Variants in TMEM123 observed in about 807,000 individuals in gnomAD.
TMEM123 encodes the protein transmembrane protein 123.
Under a neutral mutation model 19.7 loss-of-function variants are expected in TMEM123, and 16 were observed. That is an observed-to-expected ratio of 0.81 (90% CI 0.55 to 1.23). The LOEUF is 1.23. Among genes scored for constraint, TMEM123 ranks in the 50% most tolerant of loss-of-function variants. The pLI is 0.00. For missense variants in TMEM123, 313 were observed against 257.8 expected (o/e 1.21, Z -1.47); for synonymous variants, 118 against 99.4 (o/e 1.19, Z -1.12).
intron 2 of TMEM123, among the ~76,000 whole-genome samples, chr11:102,423,308 A>T (rs1952100957): frequency 6.6e-6 from 1 of 152,106 alleles, no homozygotes; most frequent in African/African-American, 2.4e-5. Context: ...ACCTAACCAG[A>T]CTCTCTTCTG....
intron 2 of TMEM123, among the ~76,000 whole-genome samples, chr11:102,413,462 C>T (rs1952020837): frequency 6.6e-6 from 1 of 152,194 alleles, no homozygotes; most frequent in Non-Finnish European, 1.5e-5. Context: ...TGGCAAAGTG[C>T]TTTTGCTGGC....
chr11:102,433,337 CAG>C (rs1206494819), intron 2 of TMEM123, among the ~76,000 whole-genome samples: 1 of 151,974 alleles, frequency 6.6e-6, no homozygotes, highest in African/African-American at 2.4e-5. Flanking sequence ...GGATATGAGA[CAG>C]AGTCATAGGA....
chr11:102,451,978 C>G (rs146663300), intron 1 of TMEM123, among the ~76,000 whole-genome samples: 2 of 152,348 alleles, frequency 1.3e-5, no homozygotes, highest in Admixed American at 6.5e-5. Flanking sequence ...AAGCTCCCAA[C>G]TAGCTCCAAG....
At chr11:102,420,501 G>T (rs1247782900) in intron 2 of TMEM123, among the ~76,000 whole-genome samples, 1 of 152,116 alleles carries the variant, frequency 6.6e-6, no homozygotes. Flanking sequence ...CATAACCCTA[G>T]GAGGCAGATG....
chr11:102,401,509 T>C (rs964328299), intron 4 of TMEM123, 30 bp downstream of exon 4: 2 of 1,528,426 alleles, frequency 1.3e-6, no homozygotes, highest in African/African-American at 2.8e-5. Context: ...AACAATTTTT[T>C]TTAAAAAGTC....
chr11:102,443,557 A>G (rs192763915), intron 2 of TMEM123, among the ~76,000 whole-genome samples: 1 of 152,368 alleles, frequency 6.6e-6, no homozygotes, highest in East Asian at 1.9e-4. Flanking sequence ...GAGATGGATT[A>G]AAGACTTAAA....
chr11:102,447,833 C>G (rs1591569211), intron 2 of TMEM123, among the ~76,000 whole-genome samples: 1 of 152,058 alleles, frequency 6.6e-6, no homozygotes, highest in African/African-American at 2.4e-5. Flanking sequence ...GATAATGAAA[C>G]AAAGAACAGC....
At chr11:102,436,431 G>A (rs551898628) in intron 2 of TMEM123, among the ~76,000 whole-genome samples, 5 of 152,020 alleles carry the variant, frequency 3.3e-5, no homozygotes, top group African/African-American at 1.2e-4. Flanking sequence ...CCAAAGTGCT[G>A]GGATTACAGG....
At chr11:102,432,394 G>C (rs954883183) in intron 2 of TMEM123, among the ~76,000 whole-genome samples, 4 of 152,182 alleles carry the variant, frequency 2.6e-5, no homozygotes, top group East Asian at 3.9e-4. Flanking sequence ...CTGGAGTAAA[G>C]GTCACTCTTG....
intron 2 of TMEM123, among the ~76,000 whole-genome samples, chr11:102,446,643 G>A (rs1243657989): frequency 2.0e-5 from 3 of 152,128 alleles, no homozygotes. Flanking sequence ...CTATGCACCA[G>A]GCATAGAGTG....
chr11:102,436,515 A>G (rs1003400334), intron 2 of TMEM123, among the ~76,000 whole-genome samples: 2 of 152,012 alleles, frequency 1.3e-5, no homozygotes, highest in African/African-American at 4.8e-5. Flanking sequence ...AGACTGGTGC[A>G]TGAATTACTT....
chr11:102,399,950 AC>A (rs1321106676), intron 4 of TMEM123, among the ~76,000 whole-genome samples: 2 of 143,574 alleles, frequency 1.4e-5, no homozygotes, highest in Non-Finnish European at 3.0e-5. Flanking sequence ...AGCCTGGGCA[AC>A]AAGAGGGAAA....
intron 2 of TMEM123, among the ~76,000 whole-genome samples, chr11:102,405,199 C>A (rs1183143991): frequency 1.3e-5 from 2 of 152,050 alleles, no homozygotes; most frequent in African/African-American, 2.4e-5. Context: ...CAGGCGCCCA[C>A]CACCACGCCT....
chr11:102,404,673 C>T (rs1017067258), intron 2 of TMEM123, among the ~76,000 whole-genome samples: 7 of 152,146 alleles, frequency 4.6e-5, no homozygotes, highest in African/African-American at 1.4e-4. Flanking sequence ...GATCTCGGCT[C>T]ACTGTAACCT....
intron 2 of TMEM123, among the ~76,000 whole-genome samples, chr11:102,403,968 T>G (rs1193373989): frequency 6.6e-6 from 1 of 152,202 alleles, no homozygotes; most frequent in Non-Finnish European, 1.5e-5. Context: ...TTGCAGAACT[T>G]TCCCAGCCTG....
intron 2 of TMEM123, among the ~76,000 whole-genome samples, chr11:102,419,078 G>A (rs148554697): frequency 2.4e-4 from 37 of 152,194 alleles, no homozygotes; most frequent in Non-Finnish European, 5.1e-4. Context: ...CATTACCTGC[G>A]TGATGAAATA....
intron 2 of TMEM123, among the ~76,000 whole-genome samples, chr11:102,434,755 T>A (rs1301237511): frequency 6.6e-6 from 1 of 151,950 alleles, no homozygotes; most frequent in Non-Finnish European, 1.5e-5. Context: ...GATTTTTCCA[T>A]ATGGAAATCA....
At chr11:102,446,223 GTGTAAATTC>G in intron 2 of TMEM123, among the ~76,000 whole-genome samples, 1 of 152,284 alleles carries the variant, frequency 6.6e-6, no homozygotes, top group Non-Finnish European at 1.5e-5. Context: ...GCACTATAAA[GTGTAAATTC>G]ATCCATCCAC....
intron 2 of TMEM123, among the ~76,000 whole-genome samples, chr11:102,435,917 T>C (rs1367971518): frequency 1.3e-5 from 2 of 151,776 alleles, no homozygotes; most frequent in Non-Finnish European, 2.9e-5. Context: ...AGGGTTTCTT[T>C]TTGAGGTGAT....
Sources: gnomAD v4.1 joint callset for allele counts (sites outside exome capture counted in the v4.1 genomes callset) on GRCh38, gnomAD v4.1.1 for gene constraint, MANE v1.5 for transcripts, NCBI Gene and HGNC (gene_info 2026-07-23, HGNC 2026-07-21) for gene names.